The following DMD variants were observed in gnomAD, a reference collection of about 807,000 sequenced individuals.
DMD encodes the protein mutant dystrophin.
Under a neutral mutation model 330.1 loss-of-function variants are expected in DMD, and 63 were observed. That is an observed-to-expected ratio of 0.19 (90% CI 0.16 to 0.24). The LOEUF (loss-of-function observed/expected upper bound fraction) is 0.24, where lower values mean the gene tolerates loss of function less well. Ranked by LOEUF, DMD falls within the 10% of genes least tolerant of loss-of-function variation. DMD has a pLI of 1.00. For synonymous variants in DMD, 1,223 were observed against 959.8 expected, an observed-to-expected ratio of 1.27 and a Z score of -5.07; for missense variants, 3,344 against 2,684.1, an observed-to-expected ratio of 1.25 and a Z score of -5.43.
chrX:32,162,664 A>T (rs1425503472), intron 44 of DMD, among the ~76,000 whole-genome samples: 2 of 97,539 alleles, frequency 2.1e-5, no homozygotes, highest in East Asian at 6.2e-4. Flanking sequence ...CAATGGCACA[A>T]TCTTGGCTCA....
rs201026834 is a variant in DMD, at chrX:32,698,018, G to A, written c.832-20C>T. On this transcript the variant is annotated intron_variant, in intron 8 of 78. Coordinates refer to ENST00000357033, the MANE Select transcript of DMD (RefSeq NM_004006.3). ...CGTGATCTGCAGAGAAGGGTTTGGGGGAGTGGATAGAGAGGAGGGGGAAAA... is the reference window on the plus strand; with the variant it reads ...CGTGATCTGCAGAGAAGGGTTTGGGAGAGTGGATAGAGAGGAGGGGGAAAA... 200 of 1,177,014 alleles carry A rather than the reference G, an allele frequency of 1.7e-4. No homozygotes were observed. Among genetic ancestry groups the A allele is most frequent in the African/African-American group, 1.4e-3 (79 of 55,779 alleles).
intron 34 of DMD, among the ~76,000 whole-genome samples, chrX:32,379,500 G>GT: frequency 1.8e-5 from 2 of 111,537 alleles, no homozygotes; most frequent in South Asian, 7.4e-4. Flanking sequence ...GTAATCTCAT[G>GT]TATGATCCTG....
At chrX:32,832,442 C>T (rs1273794045) in intron 4 of DMD, among the ~76,000 whole-genome samples, 1 of 110,985 alleles carries the variant, frequency 9.0e-6, no homozygotes, top group African/African-American at 3.3e-5. Flanking sequence ...CTTTTCATTT[C>T]ATTTCGTTCT....
At chrX:31,960,325 A>G (rs16998247) in intron 45 of DMD, among the ~76,000 whole-genome samples, 1,492 of 111,288 alleles carry the variant, frequency 0.013, 27 homozygotes, top group African/African-American at 0.047. Flanking sequence ...AAAAACATCA[A>G]TAGGTTACTA....
At chrX:32,811,778 A>G (rs890723324) in intron 6 of DMD, among the ~76,000 whole-genome samples, 1 of 112,565 alleles carries the variant, frequency 8.9e-6, no homozygotes, top group African/African-American at 3.2e-5. Flanking sequence ...AATGTTTTGT[A>G]AAATCTGAAG....
Position 32,174,878 on chromosome X carries a change from G to A in DMD, c.6438+42038C>T, listed in dbSNP as rs540910845. On this transcript the variant is annotated intron_variant, in intron 44 of 78. Transcript: ENST00000357033. ...GTTTGGATATACTTCCTGGCAACACGCAATGTTAGAAACCTAGAAATATGT... is the reference window on the plus strand; with the variant it reads ...GTTTGGATATACTTCCTGGCAACACACAATGTTAGAAACCTAGAAATATGT... Among the ~76,000 whole-genome samples, 26 of 111,053 alleles carry A rather than the reference G, an allele frequency of 2.3e-4. No homozygotes were observed. The South Asian group carries it at 8.7e-3, about 37-fold the overall frequency.
chrX:31,800,020 C>T (rs1024735449), intron 50 of DMD, among the ~76,000 whole-genome samples: 4 of 112,657 alleles, frequency 3.6e-5, no homozygotes, highest in Non-Finnish European at 5.6e-5. Flanking sequence ...AGGGTACAGC[C>T]CCCTCCCAGC....
intron 17 of DMD, among the ~76,000 whole-genome samples, chrX:32,537,355 A>C (rs913751866): frequency 1.3e-4 from 15 of 111,587 alleles, no homozygotes; most frequent in African/African-American, 4.6e-4. Flanking sequence ...ATATTTCCCC[A>C]AAAAATAAAG....
chrX:31,363,398 T>TTTC (rs2059060876), intron 60 of DMD, among the ~76,000 whole-genome samples: 1 of 97,708 alleles, frequency 1.0e-5, no homozygotes, highest in African/African-American at 3.7e-5. Flanking sequence ...TTTTTTTTTT[T>TTTC]TGAGACAGAG....
intron 1 of DMD, among the ~76,000 whole-genome samples, chrX:33,312,989 A>G (rs905899012): frequency 1.8e-5 from 2 of 111,401 alleles, no homozygotes; most frequent in Non-Finnish European, 3.8e-5. Flanking sequence ...CATTAAATAC[A>G]CCGCTGAAAG....
chrX:31,217,416 CAT>C (rs1466032548), intron 64 of DMD, among the ~76,000 whole-genome samples: 1 of 110,999 alleles, frequency 9.0e-6, no homozygotes, highest in Non-Finnish European at 1.9e-5. Context: ...AATACGGAAA[CAT>C]TGATAGGGAA....
At chrX:32,928,733 C>A (rs749294219) in intron 2 of DMD, among the ~76,000 whole-genome samples, 2 of 111,927 alleles carry the variant, frequency 1.8e-5, no homozygotes, top group Admixed American at 1.9e-4. Flanking sequence ...TGAACAAATT[C>A]ACCTATAAGG....
chrX:32,755,512 C>G (rs995006369), intron 7 of DMD, among the ~76,000 whole-genome samples: 4 of 111,639 alleles, frequency 3.6e-5, no homozygotes, highest in African/African-American at 1.3e-4. Context: ...TGTGTTTACT[C>G]CAACTAAGAG....
At position 31,627,747 on chromosome X, in the gene DMD, G is replaced by A; in HGVS notation, c.8143C>T (p.Leu2715=). 1 of 1,211,202 alleles carries A rather than the reference G, an allele frequency of 8.3e-7. No homozygotes were observed. The highest frequency in any genetic ancestry group is 1.1e-6 in the Non-Finnish European group (1 of 895,216). Residue 2715 remains leucine, a synonymous_variant, in exon 55 of 79, where the codon CTA becomes TTA. Transcript: ENST00000357033. ...CTTTCCTTACGGGTAGCATCCTGTAGGACATTGGCAGTTGTTTCAGCTTCT... is the reference window on the plus strand; with the variant it reads ...CTTTCCTTACGGGTAGCATCCTGTAAGACATTGGCAGTTGTTTCAGCTTCT... ...LTEAETTANV[L]QDATRKERLL...
intron 1 of DMD, among the ~76,000 whole-genome samples, chrX:33,064,457 T>C (rs1213013563): frequency 5.3e-5 from 6 of 112,202 alleles, no homozygotes; most frequent in Admixed American, 9.5e-5. Flanking sequence ...TGATATGTAA[T>C]TAGAGTCTTT....
intron 1 of DMD, among the ~76,000 whole-genome samples, chrX:33,118,561 C>T (rs974011811): frequency 1.8e-5 from 2 of 111,916 alleles, no homozygotes; most frequent in African/African-American, 6.5e-5. Flanking sequence ...GGAAAAGAAA[C>T]GTTCATCTGA....
chrX:31,293,987 C>T (rs894693918), intron 62 of DMD, among the ~76,000 whole-genome samples: 3 of 111,128 alleles, frequency 2.7e-5, no homozygotes, highest in African/African-American at 9.8e-5. Flanking sequence ...GAGACTACCC[C>T]CTGCTGCCAT....
chrX:32,674,392 C>A (rs1227697652), intron 9 of DMD, among the ~76,000 whole-genome samples: 2 of 111,494 alleles, frequency 1.8e-5, no homozygotes, highest in Non-Finnish European at 3.8e-5. Flanking sequence ...GTCTGAGCAT[C>A]TTTGAAAGTG....
chrX:31,159,513 A>T (rs1234074512), intron 74 of DMD, among the ~76,000 whole-genome samples: 1 of 111,638 alleles, frequency 9.0e-6, no homozygotes. Flanking sequence ...ATGTAATACC[A>T]ACAGGAAACC....
Sources: allele counts gnomAD v4.1 joint callset (sites outside exome capture counted in the v4.1 genomes callset), GRCh38; gene constraint gnomAD v4.1.1; transcripts MANE v1.5; gene names NCBI Gene and HGNC (gene_info 2026-07-23, HGNC 2026-07-21).